PDIA6: variants seen among roughly 807,000 people sequenced by gnomAD.
PDIA6 encodes the protein protein disulfide isomerase family A member 6.
A neutral mutation model predicts 58.4 loss-of-function variants in PDIA6; 29 were observed. The observed-to-expected ratio is 0.50, with a 90% CI of 0.37 to 0.68. The LOEUF is 0.68. Ranked by LOEUF, PDIA6 falls within the 30% of genes least tolerant of loss-of-function variation. The probability of loss-of-function intolerance (pLI) is 0.00; values close to 1 mark genes in which losing one functional copy is unlikely to be tolerated. For missense variants in PDIA6, 480 were observed against 551.0 expected (o/e 0.87, Z 1.29); for synonymous variants, 192 against 202.6 (o/e 0.95, Z 0.44).
intron 1 of PDIA6, among the ~76,000 whole-genome samples, chr2:10,806,562 G>A (rs1258543331): frequency 6.8e-6 from 1 of 147,668 alleles, no homozygotes; most frequent in Non-Finnish European, 1.5e-5. Flanking sequence ...ACTGCTTGAG[G>A]CCAGCAGTTC....
intron 10 of PDIA6, 100 bp downstream of exon 10, chr2:10,788,597 A>G: frequency 2.4e-6 from 2 of 819,500 alleles, no homozygotes. Context: ...TAGCAGAGCA[A>G]ACATAGAACA....
chr2:10,792,352 T>C (rs1479880901), intron 5 of PDIA6, among the ~76,000 whole-genome samples: 2 of 152,180 alleles, frequency 1.3e-5, no homozygotes, highest in African/African-American at 4.8e-5. Context: ...ATCCTTTTCT[T>C]TTTTCGAAGA....
intron 1 of PDIA6, among the ~76,000 whole-genome samples, chr2:10,812,273 A>T (rs1212502098): frequency 6.6e-6 from 1 of 152,084 alleles, no homozygotes; most frequent in East Asian, 1.9e-4. Context: ...GCAGCAGTGC[A>T]GGACGCCCGC....
chr2:10,790,920 G>A (rs1734419), intron 6 of PDIA6, 87 bp from the exon 7 acceptor site: 485,768 of 888,588 alleles, frequency 0.55, 136,469 homozygotes, highest in Middle Eastern at 0.6. Context: ...TGCAATCATG[G>A]CTCCCTGCAG....
intron 1 of PDIA6, among the ~76,000 whole-genome samples, chr2:10,819,929 G>A (rs749084161): frequency 6.6e-6 from 1 of 152,198 alleles, no homozygotes; most frequent in Non-Finnish European, 1.5e-5. Context: ...CTGGTCTGCA[G>A]GTTTGTCCTG....
upstream of PDIA6, among the ~76,000 whole-genome samples, chr2:10,815,157 C>T (rs62127460): frequency 1.3e-4 from 10 of 79,180 alleles, no homozygotes; most frequent in Admixed American, 8.8e-4. Context: ...CACAGGCCTC[C>T]GGAAATGCAC....
intron 1 of PDIA6, among the ~76,000 whole-genome samples, chr2:10,828,099 T>C (rs960754972): frequency 7.9e-5 from 12 of 152,030 alleles, no homozygotes; most frequent in African/African-American, 2.4e-4. Context: ...TGAACCTACA[T>C]TGACACCTCA....
chr2:10,797,961 G>A (rs1182607361), intron 2 of PDIA6, among the ~76,000 whole-genome samples: 2 of 151,742 alleles, frequency 1.3e-5, no homozygotes, highest in South Asian at 2.1e-4. Context: ...CGAGGAGGGA[G>A]GATCACTTGA....
At chr2:10,823,530 G>C (rs890249177) in intron 1 of PDIA6, 1 of 152,180 alleles carries the variant, frequency 6.6e-6, no homozygotes, top group African/African-American at 2.4e-5. Context: ...AATCTCATTG[G>C]GTTCTCTTTC....
At chr2:10,792,712 G>A (rs1357274729) in intron 5 of PDIA6, among the ~76,000 whole-genome samples, 1 of 144,490 alleles carries the variant, frequency 6.9e-6, no homozygotes, top group African/African-American at 2.5e-5. Context: ...GGGGCTGACT[G>A]CCACAGATAC....
rs1558454489 is a variant in PDIA6, at chr2:10,809,644, T to TC, written c.19+3033dup. ...CTGGGAGGCAGAGCAAGACCCGGTC[T>TC]CAAAAAAAAAAAAAAAAAAAAAAAA... On this transcript the variant is annotated intron_variant, in intron 1 of 12. Coordinates refer to ENST00000272227, the MANE Select transcript of PDIA6 (RefSeq NM_005742.4). Among the ~76,000 whole-genome samples, 32 of 2,950 alleles carry TC rather than the reference T, an allele frequency of 0.011. No homozygotes were observed. The East Asian group carries it at 0.22, about 20-fold the overall frequency. The allele number at this position is 2,950 out of a possible 152,430, so 1.9% of individuals were successfully genotyped here.
chr2:10,805,172 C>A (rs1558451127), intron 1 of PDIA6, among the ~76,000 whole-genome samples: 2 of 147,176 alleles, frequency 1.4e-5, no homozygotes, highest in African/African-American at 5.0e-5. Flanking sequence ...TGACAAAGGG[C>A]TAATATCCAG....
chr2:10,783,416 T>A lies in PDIA6; in HGVS notation c.*842A>T. 1.9e-6 allele frequency: 1 copy of A among 518,540 alleles called. No homozygotes were observed. The highest frequency in any genetic ancestry group is 3.2e-5 in the East Asian group (1 of 30,814). 32.1% of individuals were successfully genotyped at this position (518,540 alleles called of 1,614,324 possible). On this transcript the variant is annotated 3_prime_UTR_variant, in exon 13 of 13. Coordinates refer to ENST00000272227, the MANE Select transcript of PDIA6 (RefSeq NM_005742.4). ...TTAGTGACAGTTGTATTTATTTTTT[T>A]AAGTTACAATAAAATGCTCTCAAGT...
Position 10,790,799 on chromosome 2 carries a change from C to T in PDIA6, c.619G>A (p.Val207Ile), listed in dbSNP as rs899685061. ...EPEWAAAASEVKEQTKGKVKL... is the reference protein window; with the variant it reads ...EPEWAAAASEIKEQTKGKVKL... ...ACTTTTCCTTTCGTCTGCTCTTTTACTTCTGAAGCTGCGGCAGCCCACTCT... is the reference window on the plus strand; with the variant it reads ...ACTTTTCCTTTCGTCTGCTCTTTTATTTCTGAAGCTGCGGCAGCCCACTCT... Residue 207 changes from valine to isoleucine, a missense_variant, in exon 7 of 13, where the codon GTA becomes ATA. Physicochemically the swap from Val to Ile is conservative, Grantham distance 29. Transcript: ENST00000272227. The T allele has an allele frequency of 2.4e-5, 38 of 1,614,010 alleles. No individual in the cohort carries two copies. The highest frequency in any genetic ancestry group is 3.1e-5 in the Non-Finnish European group (37 of 1,179,976).
intron 1 of PDIA6, among the ~76,000 whole-genome samples, chr2:10,826,642 G>A (rs556016228): frequency 6.6e-6 from 1 of 152,210 alleles, no homozygotes. Context: ...TTACAGGCGT[G>A]AGCCGCTGTG....
chr2:10,814,186 G>A (rs1667119458), upstream of PDIA6, among the ~76,000 whole-genome samples: 1 of 152,222 alleles, frequency 6.6e-6, no homozygotes, highest in Non-Finnish European at 1.5e-5. Context: ...GGGTCCAGGA[G>A]TGGTGGGGGC....
chr2:10,787,471 A>G lies in PDIA6; in HGVS notation c.999-32T>C, dbSNP rs1189720518. ...AACCAGACTGGTTTTTAGGGCAAATATGTCTTTTAAATTGCTTACGATCTA... is the reference window on the plus strand; with the variant it reads ...AACCAGACTGGTTTTTAGGGCAAATGTGTCTTTTAAATTGCTTACGATCTA... On this transcript the variant is annotated intron_variant, in intron 10 of 12. Coordinates refer to ENST00000272227, the MANE Select transcript of PDIA6 (RefSeq NM_005742.4). 4.4e-6 allele frequency: 7 copies of G among 1,588,768 alleles called. No individual in the cohort carries two copies. The South Asian group carries it at 5.7e-5, about 13-fold the overall frequency.
rs150668392 is a variant in PDIA6, at chr2:10,787,425, T to G, written c.1013A>C (p.Glu338Ala). ...CTCAAGTTCAGACTGGGCTCCAGCTTCTGTCCACAGCCACCTAGAAAACCA... is the reference window on the plus strand; with the variant it reads ...CTCAAGTTCAGACTGGGCTCCAGCTGCTGTCCACAGCCACCTAGAAAACCA... ...KKKMWGWLWT[E>A]AGAQSELETA... The change falls in exon 11 of 13, where the codon GAA becomes GCA. Residue 338 changes from glutamate (E) to alanine (A), a missense_variant. Transcript: ENST00000272227. 13 of 1,613,194 alleles carry G rather than the reference T, an allele frequency of 8.1e-6. No individual in the cohort carries two copies. Among genetic ancestry groups the G allele is most frequent in the Non-Finnish European group, 1.0e-5 (12 of 1,179,632 alleles).
chr2:10,816,258 A>AT (rs1316053940), upstream of PDIA6, among the ~76,000 whole-genome samples: 3 of 151,212 alleles, frequency 2.0e-5, no homozygotes, highest in South Asian at 2.1e-4. Context: ...AATTTTTAAA[A>AT]TTTTTTTAGT....
Sources: gnomAD v4.1 joint callset for allele counts (sites outside exome capture counted in the v4.1 genomes callset) on GRCh38, gnomAD v4.1.1 for gene constraint, MANE v1.5 for transcripts, NCBI Gene and HGNC (gene_info 2026-07-23, HGNC 2026-07-21) for gene names.